PLA2G4F: variants seen among roughly 807,000 people sequenced by gnomAD.
PLA2G4F encodes the protein phospholipase A2 group IVF.
A neutral mutation model predicts 103.1 loss-of-function variants in PLA2G4F; 105 were observed. The ratio of observed to expected loss-of-function variants is 1.02; its 90% confidence interval spans 0.87 to 1.20. The LOEUF is 1.20. Among genes scored for constraint, PLA2G4F ranks in the 50% most tolerant of loss-of-function variants. The pLI, the probability that PLA2G4F is intolerant of heterozygous loss-of-function variation, is 0.00. For missense variants in PLA2G4F, 1,155 were observed against 1,075.9 expected, an observed-to-expected ratio of 1.07 and a Z score of -1.03; for synonymous variants, 468 against 441.1, an observed-to-expected ratio of 1.06 and a Z score of -0.76.
chr15:42,153,372 A>G, intron 5 of PLA2G4F, 30 bp from the exon 6 acceptor site: 1 of 1,608,788 alleles, frequency 6.2e-7, no homozygotes, highest in Non-Finnish European at 8.5e-7. Context: ...CATGGAGAAT[A>G]CATCTGGCCC....
At chr15:42,151,461 C>T (rs2048961777) in intron 7 of PLA2G4F, 1 of 985,146 alleles carries the variant, frequency 1.0e-6, no homozygotes, top group South Asian at 4.7e-5. Context: ...GGAGAAATGG[C>T]TGCACATGAC....
chr15:42,141,671 G>A lies in PLA2G4F; in HGVS notation c.*313C>T, dbSNP rs1221549824. ...CCCTCTGAGGTCCTTCTGTGTCTGG[G>A]GTGGGCTCTGTGGCTCACCTGATTC... is the stretch of plus-strand genomic sequence containing the variant. On this transcript the variant is annotated 3_prime_UTR_variant, in exon 20 of 20. Coordinates refer to ENST00000397272, the MANE Select transcript of PLA2G4F (RefSeq NM_213600.4). 7.7e-6 allele frequency: 4 copies of A among 517,526 alleles called. No homozygotes were observed. The highest frequency in any genetic ancestry group is 1.5e-5 in the Non-Finnish European group (4 of 267,590). 32.1% of individuals were successfully genotyped at this position (517,526 alleles called of 1,614,324 possible).
In PLA2G4F at chr15:42,154,391, C is replaced by T. The variant is rs1302067955; in HGVS notation, c.252G>A (p.Arg84=). 1 of 1,612,258 alleles carries T rather than the reference C, an allele frequency of 6.2e-7. No homozygotes were observed. The highest frequency in any genetic ancestry group is 1.3e-5 in the African/African-American group (1 of 75,036). Residue 84 remains arginine (R), a synonymous_variant, in exon 3 of 20, where the codon AGG becomes AGA. Transcript: ENST00000397272. ...PTASPSPAQT[R]IVANCSDPEW... ...CGGGGTCACTGCAGTTGGCCACTATCCTAGTCTGGGCAGGGCTTGGGGACG... is the reference window on the plus strand; with the variant it reads ...CGGGGTCACTGCAGTTGGCCACTATTCTAGTCTGGGCAGGGCTTGGGGACG...
At chr15:42,148,192 A>AG (rs1429518107) in intron 11 of PLA2G4F, among the ~76,000 whole-genome samples, 2 of 151,918 alleles carry the variant, frequency 1.3e-5, no homozygotes, top group African/African-American at 4.8e-5. Flanking sequence ...AAAAAAAAAA[A>AG]AAAAAAAGAG....
At chr15:42,147,808 A>C in intron 11 of PLA2G4F, 46 bp from the exon 12 acceptor site, 1 of 1,608,158 alleles carries the variant, frequency 6.2e-7, no homozygotes, top group Non-Finnish European at 8.5e-7. Flanking sequence ...TACCACCGTC[A>C]TTGACGTATT....
intron 11 of PLA2G4F, 167 bp downstream of exon 11, chr15:42,149,546 G>A (rs1057317592): frequency 2.4e-5 from 24 of 985,268 alleles, no homozygotes; most frequent in South Asian, 9.4e-5. Flanking sequence ...GGCCAGGGCC[G>A]TTTGGCCCTG....
At chr15:42,156,036 C>A (rs1316892118) in intron 1 of PLA2G4F, among the ~76,000 whole-genome samples, 1 of 152,150 alleles carries the variant, frequency 6.6e-6, no homozygotes, top group Non-Finnish European at 1.5e-5. Context: ...AGCAGGTGAG[C>A]GGAAGCCGAG....
chr15:42,145,923 G>A lies in PLA2G4F; in HGVS notation c.1535-20C>T, dbSNP rs1260551538. 1 of 1,612,548 alleles carries A rather than the reference G, an allele frequency of 6.2e-7. No homozygotes were observed. Among genetic ancestry groups the A allele is most frequent in the East Asian group, 2.2e-5 (1 of 44,854 alleles). On this transcript the variant is annotated intron_variant, in intron 14 of 19. Transcript: ENST00000397272. ...ACCACTCTAGGGGCCCGAGTGAAGG[G>A]AAAGTCACCAGGGGCTTCCCACCAC...
intron 18 of PLA2G4F, among the ~76,000 whole-genome samples, chr15:42,143,314 G>T (rs1372221799): frequency 5.9e-5 from 9 of 151,858 alleles, no homozygotes; most frequent in Non-Finnish European, 1.3e-4. Context: ...GAACCACCAT[G>T]GTCTTCCCTT....
chr15:42,146,177 A>G lies in PLA2G4F; in HGVS notation c.1484T>C (p.Ile495Thr). 3.7e-6 allele frequency: 6 copies of G among 1,614,218 alleles called. No individual in the cohort carries two copies. The highest frequency in any genetic ancestry group is 4.2e-6 in the Non-Finnish European group (5 of 1,180,044). ...AVRQGQNPYP[I>T]YTSVNVRTNL... is the part of the protein sequence containing the mutation. ...GGTGCGGACGTTGACACTGGTGTAA[A>G]TGGGGTAAGGGTTCTGACCCTGGCG... Residue 495 changes from isoleucine to threonine, a missense_variant, in exon 14 of 20, where the codon ATT becomes ACT. By Grantham distance (89) the Ile-to-Thr change is moderately conservative. This residue lies in a region of PLA2G4F where 782 missense variants were observed against 692.9 expected (regional missense o/e 1.13). Coordinates refer to ENST00000397272, the MANE Select transcript of PLA2G4F (RefSeq NM_213600.4).
At chr15:42,156,287 G>C (rs1048962872) in intron 1 of PLA2G4F, 152 bp downstream of exon 1, 1 of 591,488 alleles carries the variant, frequency 1.7e-6, no homozygotes, top group East Asian at 3.2e-5. Flanking sequence ...TAAGAGCCAA[G>C]GTCTAATTTA....
At chr15:42,153,977 G>A in intron 4 of PLA2G4F, 115 bp downstream of exon 4, 1 of 1,489,114 alleles carries the variant, frequency 6.7e-7, no homozygotes, top group Non-Finnish European at 9.1e-7. Flanking sequence ...CTGCGGGGTG[G>A]AGGAAGGTCT....
chr15:42,154,423 G>T lies in PLA2G4F; in HGVS notation c.220C>A (p.Pro74Thr). The T allele has an allele frequency of 6.2e-7, 1 of 1,607,730 alleles. No homozygotes were observed. Among genetic ancestry groups the T allele is most frequent in the Non-Finnish European group, 8.5e-7 (1 of 1,175,952 alleles). The change falls in exon 3 of 20, where the codon CCC becomes ACC. Residue 74 changes from proline to threonine, a missense_variant. Coordinates refer to ENST00000397272, the MANE Select transcript of PLA2G4F (RefSeq NM_213600.4). ...TGGGCAGGGCTTGGGGACGCCGTGG[G>T]CAGCCACAGTTGCACATAGCAGTCG... ...KADCYVQLWL[P>T]TASPSPAQTR...
At chr15:42,145,948 C>G (rs368569817) in intron 14 of PLA2G4F, 45 bp from the exon 15 acceptor site, 1 of 1,606,142 alleles carries the variant, frequency 6.2e-7, no homozygotes, top group Non-Finnish European at 8.5e-7. Context: ...CTTCCCACCA[C>G]GGTGCTTGTG....
intron 18 of PLA2G4F, among the ~76,000 whole-genome samples, chr15:42,143,332 C>T (rs1046064948): frequency 3.9e-5 from 6 of 152,150 alleles, no homozygotes; most frequent in African/African-American, 1.4e-4. Flanking sequence ...CTTCTCTCAC[C>T]CCTCTCTGCT....
At chr15:42,155,951 T>G (rs2049010802) in intron 1 of PLA2G4F, among the ~76,000 whole-genome samples, 1 of 152,018 alleles carries the variant, frequency 6.6e-6, no homozygotes, top group South Asian at 2.1e-4. Context: ...GATTAAATAT[T>G]AAAAGAGAAA....
rs1056580142 is a variant in PLA2G4F at position 42,141,020 on chromosome 15, A to G, written c.*964T>C. 4 of 342,678 alleles carry G rather than the reference A, an allele frequency of 1.2e-5. No individual in the cohort carries two copies. The highest frequency in any genetic ancestry group is 4.6e-5 in the South Asian group (2 of 43,692). The allele number at this position is 342,678 out of a possible 1,614,324, so 21.2% of individuals were successfully genotyped here. A position where few individuals can be genotyped will look rare whatever the true frequency, so the allele number is the denominator to read the frequency against. On this transcript the variant is annotated 3_prime_UTR_variant, in exon 20 of 20. Transcript: ENST00000397272. ...ATGGAGAAGAGGGAGAGTGAGAAAC[A>G]AAACTTGCCAAGACCCATTGGATGC...
In PLA2G4F at chr15:42,147,745, C is replaced by T. The variant is rs1055668833; in HGVS notation, c.1077G>A (p.Val359=). 1.9e-6 allele frequency: 3 copies of T among 1,613,904 alleles called. No homozygotes were observed. Among genetic ancestry groups the T allele is most frequent in the Non-Finnish European group, 1.7e-6 (2 of 1,179,976 alleles). The change falls in exon 12 of 20, where the codon GTG becomes GTA. Residue 359 remains valine (V), a synonymous_variant. Transcript: ENST00000397272. ...LDSGQVPVVA[V]LGSGGGTRAM... ...CTCGGGTTCCACCCCCGGAACCCAA[C>T]ACAGCCACTACAGGCACCTGGGTAC...
At chr15:42,145,743 C>T (rs374350951) in intron 15 of PLA2G4F, 23 bp downstream of exon 15, 24 of 1,613,720 alleles carry the variant, frequency 1.5e-5, no homozygotes, top group Non-Finnish European at 1.9e-5. Context: ...CTGCCTGTCC[C>T]CAGCCCTCCA....
Sources: allele counts gnomAD v4.1 joint callset (sites outside exome capture counted in the v4.1 genomes callset), GRCh38; gene constraint gnomAD v4.1.1; regional missense constraint gnomAD v4.1.1; transcripts MANE v1.5; gene names NCBI Gene and HGNC (gene_info 2026-07-23, HGNC 2026-07-21).